The following KYAT1 variants were observed in gnomAD, a reference collection of about 807,000 sequenced individuals.
The protein encoded by KYAT1 is kynurenine--oxoglutarate transaminase 1.
KYAT1 carries 47 observed loss-of-function variants against 52.4 expected under a neutral mutation model. The ratio of observed to expected loss-of-function variants is 0.90; its 90% CI spans 0.71 to 1.14. The LOEUF (loss-of-function observed/expected upper bound fraction) is 1.14, where lower values mean the gene tolerates loss of function less well. KYAT1 is among the 50% of genes most tolerant of loss of function. The pLI is 0.00. For synonymous variants in KYAT1, 212 were observed against 209.6 expected (o/e 1.01, Z -0.10); for missense variants, 480 against 557.9 (o/e 0.86, Z 1.41).
At chr9:128,873,295 G>A (rs1337438216) in intron 1 of KYAT1, among the ~76,000 whole-genome samples, 1 of 150,576 alleles carries the variant, frequency 6.6e-6, no homozygotes, top group Non-Finnish European at 1.5e-5. Flanking sequence ...CTGGAGCCCG[G>A]GAATTGGAGA....
At chr9:128,852,206 T>G (rs933787658) in intron 1 of KYAT1, among the ~76,000 whole-genome samples, 2 of 152,212 alleles carry the variant, frequency 1.3e-5, no homozygotes, top group African/African-American at 4.8e-5. Flanking sequence ...AGATGGCGCA[T>G]GCTGACTGAC....
upstream of KYAT1, chr9:128,882,405 A>C: frequency 2.6e-5 from 7 of 267,354 alleles, no homozygotes; most frequent in East Asian, 6.2e-5. Context: ...TGTTCGGCCT[A>C]CCTCTGGGCT....
In KYAT1 at chr9:128,833,273, T is replaced by C; in HGVS notation, c.*311A>G. 1 of 523,898 alleles carries C rather than the reference T, an allele frequency of 1.9e-6. No individual in the cohort carries two copies. Among genetic ancestry groups the C allele is most frequent in the South Asian group, 2.1e-5 (1 of 47,004 alleles). 32.5% of individuals were successfully genotyped at this position (523,898 alleles called of 1,614,324 possible). On this transcript the variant is annotated 3_prime_UTR_variant, in exon 13 of 13. Transcript: ENST00000302586. ...GCAGAGCTGGGATGTGATCGGTACATGGTGGAAGTCTACCGTCCGTCTCAG... is the reference window on the plus strand; with the variant it reads ...GCAGAGCTGGGATGTGATCGGTACACGGTGGAAGTCTACCGTCCGTCTCAG...
chr9:128,863,845 C>A (rs1283279589), intron 1 of KYAT1, among the ~76,000 whole-genome samples: 1 of 152,138 alleles, frequency 6.6e-6, no homozygotes, highest in African/African-American at 2.4e-5. Flanking sequence ...CCTCACTTCA[C>A]AGAGGAGGCC....
At chr9:128,840,607 A>G (rs1302907217) in intron 3 of KYAT1, 1 of 437,248 alleles carries the variant, frequency 2.3e-6, no homozygotes, top group East Asian at 7.1e-5. Flanking sequence ...AAAAAGATAC[A>G]TACCCAAATG....
chr9:128,873,921 G>A (rs1320868715), intron 1 of KYAT1, among the ~76,000 whole-genome samples: 25 of 146,376 alleles, frequency 1.7e-4, no homozygotes, highest in Non-Finnish European at 1.2e-4. Flanking sequence ...ACTCCAGCCC[G>A]GGTGACAGAG....
chr9:128,834,831 C>CA (rs35785668), intron 11 of KYAT1, among the ~76,000 whole-genome samples: 10,944 of 25,202 alleles, frequency 0.43, 2,995 homozygotes, highest in African/African-American at 0.71. Flanking sequence ...GACTCTGTCT[C>CA]AAAAAAAAAA....
chr9:128,838,998 A>G (rs1589635327), intron 3 of KYAT1, among the ~76,000 whole-genome samples: 1 of 151,194 alleles, frequency 6.6e-6, no homozygotes, highest in Non-Finnish European at 1.5e-5. Flanking sequence ...GGTCTCACTC[A>G]TGTCACCCAG....
intron 3 of KYAT1, 92 bp from the exon 4 acceptor site, chr9:128,838,459 C>T (rs1472130957): frequency 6.6e-7 from 1 of 1,504,984 alleles, no homozygotes; most frequent in Non-Finnish European, 9.1e-7. Context: ...CTTCCAGCAG[C>T]AGGCCTGGGG....
rs571983785 is a variant in KYAT1, at chr9:128,846,226, C to T, written c.-6-815G>A. Among the ~76,000 whole-genome samples the T allele has an allele frequency of 3.2e-3, 487 of 152,176 alleles. 3 individuals carry two copies. The highest frequency in any genetic ancestry group is 0.011 in the African/African-American group (472 of 41,526). ...GGCAGATCACCTGAGGTCAGGAGTT[C>T]GAGACCAGCCTGGCCAACATGGTGA... On this transcript the variant is annotated intron_variant, in intron 1 of 12. Coordinates refer to ENST00000302586, the MANE Select transcript of KYAT1 (RefSeq NM_004059.5).
chr9:128,859,730 G>C (rs968864830), intron 1 of KYAT1, among the ~76,000 whole-genome samples: 2 of 151,464 alleles, frequency 1.3e-5, no homozygotes, highest in African/African-American at 4.8e-5. Context: ...CTCACTGCAA[G>C]CTCTGCCTCC....
rs1274051056 is a variant in KYAT1 at position 128,837,894 on chromosome 9, C to T, written c.439-81G>A. 5 of 1,554,092 alleles carry T rather than the reference C, an allele frequency of 3.2e-6. No homozygotes were observed. The Admixed American group carries it at 5.0e-5, about 16-fold the overall frequency. ...TCCCCAGCATCTATCCCCACCTTCT[C>T]TCCCCTGGGATCCCAACACACACAC... On this transcript the variant is annotated intron_variant, in intron 5 of 12. Transcript: ENST00000302586.
intron 1 of KYAT1, among the ~76,000 whole-genome samples, chr9:128,879,154 C>T (rs187832308): frequency 8.5e-5 from 13 of 152,180 alleles, no homozygotes; most frequent in African/African-American, 2.6e-4. Context: ...ACTAAAAATA[C>T]AAAAAATTAG....
chr9:128,871,941 C>T (rs926044816), intron 1 of KYAT1, among the ~76,000 whole-genome samples: 5 of 150,476 alleles, frequency 3.3e-5, no homozygotes, highest in African/African-American at 1.2e-4. Flanking sequence ...TCCTGGCCAA[C>T]ATGGTGAAAG....
At chr9:128,840,706 T>C (rs1340007263) in intron 3 of KYAT1, 1 of 426,954 alleles carries the variant, frequency 2.3e-6, no homozygotes, top group South Asian at 1.8e-5. Context: ...TAAACCTTAC[T>C]GGAGGGCAAT....
At chr9:128,853,720 T>G (rs1834240725) in intron 1 of KYAT1, among the ~76,000 whole-genome samples, 1 of 152,214 alleles carries the variant, frequency 6.6e-6, no homozygotes, top group Non-Finnish European at 1.5e-5. Context: ...GCATAAAAAC[T>G]TCGTGCCTTG....
intron 1 of KYAT1, among the ~76,000 whole-genome samples, chr9:128,862,504 G>A (rs73669983): frequency 0.055 from 8,428 of 152,266 alleles, 275 homozygotes; most frequent in African/African-American, 0.096. Flanking sequence ...TACACCTGGT[G>A]CCAGCACAGG....
chr9:128,855,919 ACTC>A (rs2119365546), intron 1 of KYAT1, among the ~76,000 whole-genome samples: 1 of 152,318 alleles, frequency 6.6e-6, no homozygotes, highest in East Asian at 1.9e-4. Context: ...TGGCAAAAGA[ACTC>A]CTCAAAATTG....
intron 1 of KYAT1, among the ~76,000 whole-genome samples, chr9:128,852,885 G>C (rs1198009488): frequency 6.6e-6 from 1 of 152,144 alleles, no homozygotes; most frequent in East Asian, 1.9e-4. Flanking sequence ...TAAAGAAATT[G>C]AATTAGTTGA....
Sources: gnomAD v4.1 joint callset for allele counts (sites outside exome capture counted in the v4.1 genomes callset) on GRCh38, gnomAD v4.1.1 for gene constraint, MANE v1.5 for transcripts, NCBI Gene and HGNC (gene_info 2026-07-23, HGNC 2026-07-21) for gene names.